SH3BGR: variants seen among roughly 807,000 people sequenced by gnomAD.
SH3BGR encodes the protein SH3 domain-binding glutamic acid-rich protein.
SH3BGR carries 29 observed loss-of-function variants against 24.5 expected under a neutral mutation model. That is an observed-to-expected ratio of 1.18 (90% confidence interval 0.88 to 1.61). The LOEUF (loss-of-function observed/expected upper bound fraction) is 1.61. SH3BGR is among the 40% of genes most tolerant of loss of function. SH3BGR has a pLI of 0.00. For synonymous variants in SH3BGR, 55 were observed against 65.7 expected, an observed-to-expected ratio of 0.84 and a Z score of 0.79; for missense variants, 162 against 205.8, an observed-to-expected ratio of 0.79 and a Z score of 1.30.
intron 6 of SH3BGR, among the ~76,000 whole-genome samples, chr21:39,514,241 G>A (rs951272287): frequency 1.3e-5 from 2 of 152,172 alleles, no homozygotes; most frequent in Non-Finnish European, 2.9e-5. Flanking sequence ...ATAACTCATA[G>A]ATTATCCATG....
intron 3 of SH3BGR, chr21:39,488,409 A>C (rs984741263): frequency 3.8e-4 from 87 of 229,148 alleles, no homozygotes; most frequent in African/African-American, 1.8e-3. Flanking sequence ...CAAGGCCCTT[A>C]CAGCCAGTAT....
chr21:39,452,203 A>G, intron 1 of SH3BGR, 62 bp downstream of exon 1: 2 of 1,606,574 alleles, frequency 1.2e-6, no homozygotes, highest in Non-Finnish European at 8.5e-7. Flanking sequence ...GGTTGGAAAT[A>G]TGGCCAACGT....
At chr21:39,487,436 C>T (rs775956839) in intron 3 of SH3BGR, among the ~76,000 whole-genome samples, 21 of 152,218 alleles carry the variant, frequency 1.4e-4, no homozygotes, top group Non-Finnish European at 2.2e-4. Context: ...TGTGAGCCAT[C>T]ATGCCTAGCT....
intron 2 of SH3BGR, among the ~76,000 whole-genome samples, chr21:39,472,903 A>G (rs934602833): frequency 2.1e-4 from 32 of 152,242 alleles, no homozygotes; most frequent in African/African-American, 7.5e-4. Context: ...TGTGTGTCAG[A>G]AACTCTCAGC....
intron 3 of SH3BGR, chr21:39,491,543 C>G (rs905070814): frequency 1.1e-5 from 3 of 276,712 alleles, no homozygotes; most frequent in Non-Finnish European, 2.1e-5. Context: ...GCCTCAGCTA[C>G]TTACATGGGC....
intron 5 of SH3BGR, among the ~76,000 whole-genome samples, chr21:39,510,410 CACACACACACACTGTAGCT>C (rs2078662661): frequency 8.3e-6 from 1 of 120,078 alleles, no homozygotes; most frequent in Non-Finnish European, 1.9e-5. Flanking sequence ...CACACACACA[CACACACACACACTGTAGCT>C]ACACACACAC....
rs772265018 is a variant in SH3BGR, at chr21:39,452,070, G to A, written c.-27G>A. 1.9e-6 allele frequency: 3 copies of A among 1,613,974 alleles called. No homozygotes were observed. The highest frequency in any genetic ancestry group is 2.5e-6 in the Non-Finnish European group (3 of 1,179,998). Reference sequence around the variant, plus strand: ...CGCATTCCCTGACAGGGGTGTGTTGGGGGGAGTCCTCTTTCCAACTGTCGA... The same window carrying A: ...CGCATTCCCTGACAGGGGTGTGTTGAGGGGAGTCCTCTTTCCAACTGTCGA... On this transcript the variant is annotated 5_prime_UTR_variant, in exon 1 of 7. Coordinates refer to ENST00000333634, the MANE Select transcript of SH3BGR (RefSeq NM_007341.3).
intron 2 of SH3BGR, among the ~76,000 whole-genome samples, chr21:39,471,537 A>G (rs925315763): frequency 6.6e-6 from 1 of 152,026 alleles, no homozygotes; most frequent in African/African-American, 2.4e-5. Flanking sequence ...CTCTTCTCAC[A>G]CTGTTTTCAT....
At chr21:39,482,097 C>A (rs2078139235) in intron 3 of SH3BGR, among the ~76,000 whole-genome samples, 1 of 152,216 alleles carries the variant, frequency 6.6e-6, no homozygotes, top group Non-Finnish European at 1.5e-5. Context: ...AGTCCATAGT[C>A]TCACCAGTCA....
At chr21:39,454,503 A>G (rs1163089499) in intron 1 of SH3BGR, among the ~76,000 whole-genome samples, 1 of 152,132 alleles carries the variant, frequency 6.6e-6, no homozygotes, top group Non-Finnish European at 1.5e-5. Context: ...GACCCTGGGG[A>G]GCAGGAGAGG....
At chr21:39,465,079 T>G (rs1166593326) in intron 2 of SH3BGR, among the ~76,000 whole-genome samples, 3 of 152,036 alleles carry the variant, frequency 2.0e-5, no homozygotes, top group Non-Finnish European at 2.9e-5. Flanking sequence ...TTTTTAAAAT[T>G]TTTTGTAGTG....
rs865949654 is a variant in SH3BGR, at chr21:39,482,878, C to T, written c.312+7663C>T. 2.5e-4 allele frequency among the ~76,000 whole-genome samples: 38 copies of T among 152,286 alleles called. No homozygotes were observed. The Middle Eastern group carries it at 0.02, about 82-fold the overall frequency. On this transcript the variant is annotated intron_variant, in intron 3 of 6. Transcript: ENST00000333634. ...AGAGACGAGGTTTCACCATGTTGGC[C>T]AGGCTGGTCTCGAACTCCTGACCTT... is the stretch of plus-strand genomic sequence containing the variant.
At chr21:39,471,637 T>A (rs2077942741) in intron 2 of SH3BGR, among the ~76,000 whole-genome samples, 1 of 152,048 alleles carries the variant, frequency 6.6e-6, no homozygotes, top group African/African-American at 2.4e-5. Context: ...TTTATTATTT[T>A]TAAAAATAGA....
intron 4 of SH3BGR, among the ~76,000 whole-genome samples, chr21:39,503,036 A>G (rs2078522788): frequency 1.3e-5 from 2 of 150,812 alleles, no homozygotes. Context: ...CCATTAGCCT[A>G]AGGTTTTGAA....
intron 3 of SH3BGR, among the ~76,000 whole-genome samples, chr21:39,479,723 C>T (rs1344249491): frequency 5.9e-5 from 9 of 152,128 alleles, no homozygotes; most frequent in South Asian, 2.1e-4. Flanking sequence ...AGTCACTTGC[C>T]GTCCAGGGAT....
chr21:39,508,600 A>T (rs1395780125), intron 4 of SH3BGR, among the ~76,000 whole-genome samples: 1 of 152,258 alleles, frequency 6.6e-6, no homozygotes, highest in African/African-American at 2.4e-5. Context: ...CATAGTTATA[A>T]GGGCATAAAG....
chr21:39,457,732 G>T (rs932628965), intron 1 of SH3BGR, among the ~76,000 whole-genome samples: 1 of 151,728 alleles, frequency 6.6e-6, no homozygotes, highest in Admixed American at 6.6e-5. Flanking sequence ...AGGATTTTGA[G>T]ACCAGCCTGG....
At chr21:39,508,884 G>A (rs1229770694) in intron 4 of SH3BGR, 114 bp from the exon 5 acceptor site, 31 of 705,042 alleles carry the variant, frequency 4.4e-5, no homozygotes, top group Admixed American at 2.6e-5. Context: ...ATAAACTAAT[G>A]TGTTGTTCAT....
intron 3 of SH3BGR, chr21:39,491,853 C>A: frequency 6.0e-6 from 1 of 166,936 alleles, no homozygotes; most frequent in Non-Finnish European, 1.3e-5. Flanking sequence ...TACACGTGGC[C>A]ATGGCCCTTT....
Sources: allele counts gnomAD v4.1 joint callset (sites outside exome capture counted in the v4.1 genomes callset), GRCh38; gene constraint gnomAD v4.1.1; transcripts MANE v1.5; gene names NCBI Gene and HGNC (gene_info 2026-07-23, HGNC 2026-07-21).